Variants in KIAA1217 observed in about 807,000 individuals in gnomAD.
KIAA1217 encodes sickle tail protein homolog.
In KIAA1217, 88 loss-of-function variants were observed where a neutral mutation model predicts 163.9. The ratio of observed to expected loss-of-function variants is 0.54; its 90% CI spans 0.45 to 0.64. The LOEUF (loss-of-function observed/expected upper bound fraction) is 0.64. KIAA1217 is among the 30% of genes least tolerant of loss of function. The pLI is 0.00. For synonymous variants in KIAA1217, 903 were observed against 923.1 expected (o/e 0.98, Z 0.39); for missense variants, 2,372 against 2,475.0 (o/e 0.96, Z 0.88).
intron 2 of KIAA1217, among the ~76,000 whole-genome samples, chr10:24,229,095 T>A (rs2131040607): frequency 6.6e-6 from 1 of 152,330 alleles, no homozygotes; most frequent in Non-Finnish European, 1.5e-5. Context: ...CTGTCATATT[T>A]GTCTTGGCTC....
chr10:23,895,103 A>C (rs1841616474), intron 1 of KIAA1217, among the ~76,000 whole-genome samples: 2 of 152,142 alleles, frequency 1.3e-5, no homozygotes. Context: ...TGTCTAAAAC[A>C]CCAAAAGCAA....
At chr10:24,484,331 G>A (rs755824414) in intron 6 of KIAA1217, among the ~76,000 whole-genome samples, 43 of 135,732 alleles carry the variant, frequency 3.2e-4, no homozygotes, top group Admixed American at 2.5e-4. Context: ...TGCAACCTCC[G>A]CCTCCCGGGT....
At chr10:24,285,754 A>T (rs1431612221) in intron 2 of KIAA1217, among the ~76,000 whole-genome samples, 1 of 152,288 alleles carries the variant, frequency 6.6e-6, no homozygotes, top group Non-Finnish European at 1.5e-5. Flanking sequence ...TCACAATTTG[A>T]TAGGAATAGT....
At chr10:24,426,350 T>C (rs564917968) in intron 3 of KIAA1217, among the ~76,000 whole-genome samples, 8 of 152,056 alleles carry the variant, frequency 5.3e-5, no homozygotes, top group Non-Finnish European at 1.0e-4. Context: ...CAGCCAGGTG[T>C]GGTGGCTCCA....
Position 24,203,455 on chromosome 10 carries a change from G to A in KIAA1217, c.-170-16171G>A, listed in dbSNP as rs1410955739. ...GCTCCAGGAGTCAGTTTGTTCAGCA[G>A]CAAAGTTGGGGGATGTTGGTGGGGG... On this transcript the variant is annotated intron_variant, in intron 2 of 18. Transcript: ENST00000376462. Among the ~76,000 whole-genome samples the A allele has an allele frequency of 4.6e-5, 7 of 152,110 alleles. No individual in the cohort carries two copies. The South Asian group carries it at 1.2e-3, about 27-fold the overall frequency.
At chr10:24,117,551 C>T (rs2063109414) in intron 2 of KIAA1217, among the ~76,000 whole-genome samples, 1 of 152,090 alleles carries the variant, frequency 6.6e-6, no homozygotes, top group Admixed American at 6.5e-5. Context: ...GGGAAGATCA[C>T]TTGAGCCCAG....
chr10:24,321,568 A>G (rs535817730), intron 2 of KIAA1217, among the ~76,000 whole-genome samples: 109 of 152,278 alleles, frequency 7.2e-4, no homozygotes, highest in African/African-American at 2.5e-3. Flanking sequence ...GATGGACACA[A>G]CCCAGGAAGA....
chr10:24,096,238 A>G (rs1383058937), intron 2 of KIAA1217, among the ~76,000 whole-genome samples: 1 of 152,218 alleles, frequency 6.6e-6, no homozygotes, highest in African/African-American at 2.4e-5. Flanking sequence ...AAGCTTAGAC[A>G]TTATCCTTAA....
At chr10:23,977,245 T>C (rs1373164761) in intron 1 of KIAA1217, among the ~76,000 whole-genome samples, 1 of 152,220 alleles carries the variant, frequency 6.6e-6, no homozygotes, top group Non-Finnish European at 1.5e-5. Flanking sequence ...CTTTAATGAA[T>C]AAAGTGCCAT....
chr10:23,930,596 T>C (rs1177120095), intron 1 of KIAA1217, among the ~76,000 whole-genome samples: 2 of 152,236 alleles, frequency 1.3e-5, no homozygotes, highest in Non-Finnish European at 2.9e-5. Context: ...TTTCAGAAAT[T>C]ACAATTTCTG....
At chr10:24,168,651 T>A (rs1350739607) in intron 2 of KIAA1217, among the ~76,000 whole-genome samples, 1 of 152,152 alleles carries the variant, frequency 6.6e-6, no homozygotes. Flanking sequence ...GGCCAATATA[T>A]CAAAGGATTT....
At chr10:24,453,330 C>T (rs1324901632) in intron 5 of KIAA1217, among the ~76,000 whole-genome samples, 3 of 152,194 alleles carry the variant, frequency 2.0e-5, no homozygotes, top group African/African-American at 7.2e-5. Flanking sequence ...TTCGCTAATC[C>T]TCTAGAAAGC....
At chr10:24,140,022 C>G (rs11013916) in intron 2 of KIAA1217, among the ~76,000 whole-genome samples, 52,948 of 150,480 alleles carry the variant, frequency 0.35, 9,356 homozygotes, top group East Asian at 0.39. Flanking sequence ...TTTTTTCCCC[C>G]TTATCAAATT....
At chr10:24,385,718 T>G (rs1354525928) in intron 3 of KIAA1217, among the ~76,000 whole-genome samples, 1 of 152,176 alleles carries the variant, frequency 6.6e-6, no homozygotes, top group Non-Finnish European at 1.5e-5. Context: ...TTCTTTTCAG[T>G]GGAATTTATG....
At chr10:24,305,617 G>T (rs2041922643) in intron 2 of KIAA1217, among the ~76,000 whole-genome samples, 1 of 152,298 alleles carries the variant, frequency 6.6e-6, no homozygotes, top group East Asian at 1.9e-4. Context: ...CAGCTTGAGC[G>T]GTTAGAAGCA....
intron 2 of KIAA1217, among the ~76,000 whole-genome samples, chr10:24,312,480 G>A (rs1233382834): frequency 1.3e-5 from 2 of 152,138 alleles, no homozygotes; most frequent in African/African-American, 2.4e-5. Flanking sequence ...TTAGCTGGGC[G>A]TGGTGGCGCA....
intron 1 of KIAA1217, among the ~76,000 whole-genome samples, chr10:23,961,430 A>G (rs1203272884): frequency 6.6e-6 from 1 of 152,198 alleles, no homozygotes; most frequent in Non-Finnish European, 1.5e-5. Flanking sequence ...AAATAAAATG[A>G]TTAGAGAGCC....
chr10:24,540,042 G>A (rs534069650), intron 17 of KIAA1217, among the ~76,000 whole-genome samples: 1 of 152,270 alleles, frequency 6.6e-6, no homozygotes, highest in African/African-American at 2.4e-5. Flanking sequence ...ATCACTGTGA[G>A]TTTGCATGAC....
At chr10:24,087,588 G>A (rs2061742992) in intron 2 of KIAA1217, among the ~76,000 whole-genome samples, 1 of 152,140 alleles carries the variant, frequency 6.6e-6, no homozygotes, top group Non-Finnish European at 1.5e-5. Context: ...AAATGAATTA[G>A]CGAAAGGCTG....
Sources: allele counts gnomAD v4.1 joint callset (sites outside exome capture counted in the v4.1 genomes callset), GRCh38; gene constraint gnomAD v4.1.1; transcripts MANE v1.5; gene names NCBI Gene and HGNC (gene_info 2026-07-23, HGNC 2026-07-21).